GRIK3: variants seen among roughly 807,000 people sequenced by gnomAD.
GRIK3 encodes the protein glutamate ionotropic receptor kainate type subunit 3, also known as glutamate receptor ionotropic, kainate 3.
Under a neutral mutation model 102.5 loss-of-function variants are expected in GRIK3, and 29 were observed. The observed-to-expected ratio is 0.28, with a 90% CI of 0.21 to 0.39. The LOEUF (loss-of-function observed/expected upper bound fraction) is 0.39. Among genes scored for constraint, GRIK3 ranks in the 10% least tolerant of loss-of-function variants. The pLI is 1.00. For synonymous variants in GRIK3, 511 were observed against 504.9 expected (o/e 1.01, Z -0.16); for missense variants, 908 against 1,252.4 (o/e 0.73, Z 4.15).
At chr1:36,828,263 G>T (rs1642777809) in intron 10 of GRIK3, among the ~76,000 whole-genome samples, 1 of 152,108 alleles carries the variant, frequency 6.6e-6, no homozygotes, top group Non-Finnish European at 1.5e-5. Context: ...TCTCTGTAAT[G>T]TTGACGTGAG....
chr1:36,884,355 T>C (rs1641015953), intron 2 of GRIK3, among the ~76,000 whole-genome samples: 1 of 152,204 alleles, frequency 6.6e-6, no homozygotes, highest in Admixed American at 6.5e-5. Context: ...CTAGTTCTTT[T>C]TTCAGTTCCC....
intron 12 of GRIK3, among the ~76,000 whole-genome samples, chr1:36,817,664 C>T (rs1221700858): frequency 6.6e-6 from 1 of 152,114 alleles, no homozygotes; most frequent in African/African-American, 2.4e-5. Flanking sequence ...TTATGTGGTC[C>T]CAGCTTAAGA....
At chr1:37,008,998 C>G (rs1199770213) in intron 1 of GRIK3, among the ~76,000 whole-genome samples, 1 of 152,114 alleles carries the variant, frequency 6.6e-6, no homozygotes, top group Non-Finnish European at 1.5e-5. Context: ...CAATCTCCAC[C>G]ATTTACTTGC....
At chr1:36,938,328 C>T (rs1279481229) in intron 1 of GRIK3, among the ~76,000 whole-genome samples, 1 of 152,152 alleles carries the variant, frequency 6.6e-6, no homozygotes, top group Non-Finnish European at 1.5e-5. Context: ...AGGTACATTC[C>T]CATAAAAAGC....
At chr1:36,912,713 T>C (rs942569140) in intron 1 of GRIK3, among the ~76,000 whole-genome samples, 3 of 152,088 alleles carry the variant, frequency 2.0e-5, no homozygotes, top group African/African-American at 7.2e-5. Context: ...CCCTTCTCCA[T>C]TAGGCTGAGG....
intron 7 of GRIK3, among the ~76,000 whole-genome samples, chr1:36,856,265 C>G (rs895472623): frequency 5.9e-5 from 9 of 152,324 alleles, no homozygotes; most frequent in Non-Finnish European, 5.9e-5. Flanking sequence ...GTGAGGGAAG[C>G]CTTCCTGCCT....
At chr1:36,841,109 C>T (rs1307503892) in intron 10 of GRIK3, among the ~76,000 whole-genome samples, 2 of 152,148 alleles carry the variant, frequency 1.3e-5, no homozygotes. Context: ...GCTTCTCCCT[C>T]TTCCTCCCAA....
intron 1 of GRIK3, among the ~76,000 whole-genome samples, chr1:37,027,842 T>G (rs1287327446): frequency 6.6e-6 from 1 of 152,072 alleles, no homozygotes; most frequent in Admixed American, 6.5e-5. Context: ...CCTGGCCCCA[T>G]GGGAGAAGGA....
intron 1 of GRIK3, among the ~76,000 whole-genome samples, chr1:36,968,220 C>CGT (rs66480824): frequency 0.015 from 2,123 of 141,106 alleles, 13 homozygotes; most frequent in East Asian, 0.042. Context: ...TCTCTCTCTC[C>CGT]GTGTGTGTGT....
At position 36,893,808 on chromosome 1, in the gene GRIK3, AAAATTTAATG is replaced by A. The variant is rs541528119; in HGVS notation, c.116-2722_116-2713del. 1.5e-4 allele frequency among the ~76,000 whole-genome samples: 23 copies of A among 152,350 alleles called. No individual in the cohort carries two copies. In the South Asian group the frequency reaches 4.6e-3, roughly 30 times the overall value. On this transcript the variant is annotated intron_variant, in intron 1 of 15. Transcript: ENST00000373091. ...GTCTATGTATTTACATATAATCACA[AAAATTTAATG>A]ACACAGGAAATACCCATGATATATT... is the stretch of plus-strand genomic sequence containing the variant.
At chr1:36,950,988 T>C (rs963632059) in intron 1 of GRIK3, among the ~76,000 whole-genome samples, 2 of 152,180 alleles carry the variant, frequency 1.3e-5, no homozygotes, top group Non-Finnish European at 2.9e-5. Context: ...TTTTTCTAAA[T>C]GTTAGCAGAG....
chr1:36,906,192 C>A lies in GRIK3; in HGVS notation c.116-15096G>T, dbSNP rs544127459. 3.2e-4 allele frequency among the ~76,000 whole-genome samples: 48 copies of A among 152,338 alleles called. No individual in the cohort carries two copies. In the Middle Eastern group the frequency reaches 0.014, roughly 43 times the overall value. On this transcript the variant is annotated intron_variant, in intron 1 of 15. Transcript: ENST00000373091. ...CCGCAGGGCAGCCGAGAAGAACAGA[C>A]AACTAGCACATGTGTGGTGCTCCAC...
intron 1 of GRIK3, among the ~76,000 whole-genome samples, chr1:36,901,834 G>T (rs1641234529): frequency 1.3e-5 from 2 of 152,170 alleles, no homozygotes; most frequent in Non-Finnish European, 2.9e-5. Flanking sequence ...CGTGAATCAG[G>T]AACAAAAGAG....
chr1:37,006,776 T>C (rs1642537529), intron 1 of GRIK3, among the ~76,000 whole-genome samples: 1 of 152,218 alleles, frequency 6.6e-6, no homozygotes, highest in Admixed American at 6.5e-5. Flanking sequence ...AGCTATGCGA[T>C]GGATCCTGGA....
At chr1:36,814,964 C>T (rs1263404452) in intron 13 of GRIK3, among the ~76,000 whole-genome samples, 1 of 152,216 alleles carries the variant, frequency 6.6e-6, no homozygotes, top group Non-Finnish European at 1.5e-5. Flanking sequence ...CAAATACACA[C>T]ATGTCCCCAC....
intron 1 of GRIK3, among the ~76,000 whole-genome samples, chr1:36,991,760 G>A (rs564255200): frequency 6.1e-4 from 93 of 152,368 alleles, no homozygotes; most frequent in African/African-American, 1.9e-3. Context: ...TTCAGCCAAG[G>A]TCCAGGGAAC....
At chr1:36,891,128 G>A (rs1213673216) in intron 1 of GRIK3, 32 bp from the exon 2 acceptor site, 1 of 1,562,562 alleles carries the variant, frequency 6.4e-7, no homozygotes. Context: ...GTGTGTGGTT[G>A]GGAGGAGGGA....
chr1:36,962,640 A>AAGAGAG (rs5773557), intron 1 of GRIK3, among the ~76,000 whole-genome samples: 28 of 145,058 alleles, frequency 1.9e-4, no homozygotes, highest in African/African-American at 2.5e-4. Context: ...GAGGGAGAGG[A>AAGAGAG]AGAGAGAGAG....
chr1:36,903,887 T>G (rs1641257438), intron 1 of GRIK3, among the ~76,000 whole-genome samples: 1 of 152,138 alleles, frequency 6.6e-6, no homozygotes, highest in South Asian at 2.1e-4. Flanking sequence ...ACTATTATAG[T>G]GAATACATGT....
Sources: allele counts gnomAD v4.1 joint callset (sites outside exome capture counted in the v4.1 genomes callset), GRCh38; gene constraint gnomAD v4.1.1; transcripts MANE v1.5; gene names NCBI Gene and HGNC (gene_info 2026-07-23, HGNC 2026-07-21).